DOK6: variants seen among roughly 807,000 people sequenced by gnomAD.
DOK6 encodes docking protein 6.
A neutral mutation model predicts 44.0 loss-of-function variants in DOK6; 22 were observed. The ratio of observed to expected loss-of-function variants is 0.50; its 90% CI spans 0.36 to 0.71. DOK6 has a LOEUF of 0.71. Among genes scored for constraint, DOK6 ranks in the 30% least tolerant of loss-of-function variants. The probability of loss-of-function intolerance (pLI) is 0.00; values close to 1 mark genes in which losing one functional copy is unlikely to be tolerated. For synonymous variants in DOK6, 166 were observed against 145.5 expected (o/e 1.14, Z -1.01); for missense variants, 340 against 416.4 (o/e 0.82, Z 1.60).
intron 3 of DOK6, among the ~76,000 whole-genome samples, chr18:69,644,376 A>G (rs1985018472): frequency 6.6e-6 from 1 of 152,150 alleles, no homozygotes; most frequent in Non-Finnish European, 1.5e-5. Context: ...ACTTTTAAAT[A>G]CATTTTACAG....
chr18:69,538,381 C>T (rs1211073811), intron 1 of DOK6, among the ~76,000 whole-genome samples: 1 of 151,856 alleles, frequency 6.6e-6, no homozygotes, highest in African/African-American at 2.4e-5. Context: ...TGATCCATTT[C>T]TCCTTTTTTT....
At chr18:69,707,471 C>T (rs12327449) in intron 5 of DOK6, among the ~76,000 whole-genome samples, 148,020 of 152,340 alleles carry the variant, frequency 0.97, 72,071 homozygotes, top group East Asian at 1. Context: ...TAGTTTCCTT[C>T]ATCCCTGGCC....
At chr18:69,610,384 T>C (rs754920393) in intron 3 of DOK6, among the ~76,000 whole-genome samples, 38 of 152,308 alleles carry the variant, frequency 2.5e-4, no homozygotes, top group Middle Eastern at 3.4e-3. Context: ...TATACACTAA[T>C]ACATGAGGAT....
chr18:69,516,846 T>TC (rs1465343564), intron 1 of DOK6, among the ~76,000 whole-genome samples: 2 of 150,792 alleles, frequency 1.3e-5, no homozygotes, highest in Admixed American at 1.3e-4. Flanking sequence ...CGGCTAATTT[T>TC]TTTTTTTTTT....
At chr18:69,759,766 TGCA>T (rs1270655630) in intron 7 of DOK6, among the ~76,000 whole-genome samples, 8 of 152,216 alleles carry the variant, frequency 5.3e-5, no homozygotes, top group Non-Finnish European at 1.2e-4. Flanking sequence ...GATGTTAACT[TGCA>T]GCAAAGTTAA....
chr18:69,734,275 C>G (rs919151214), intron 5 of DOK6, among the ~76,000 whole-genome samples: 1 of 149,346 alleles, frequency 6.7e-6, no homozygotes, highest in Non-Finnish European at 1.5e-5. Context: ...TCTTGACTTT[C>G]TGTACTGTTG....
intron 7 of DOK6, among the ~76,000 whole-genome samples, chr18:69,774,473 C>T (rs536477688): frequency 6.6e-6 from 1 of 151,764 alleles, no homozygotes; most frequent in Non-Finnish European, 1.5e-5. Flanking sequence ...ACTCATGTAA[C>T]CAAACACTCA....
At chr18:69,779,081 A>G (rs1005318308) in intron 7 of DOK6, among the ~76,000 whole-genome samples, 2 of 152,090 alleles carry the variant, frequency 1.3e-5, no homozygotes, top group Non-Finnish European at 1.5e-5. Context: ...CCATCAAGAT[A>G]ATTTCTAGAT....
intron 3 of DOK6, among the ~76,000 whole-genome samples, chr18:69,605,990 G>A (rs1430687832): frequency 6.6e-6 from 1 of 152,032 alleles, no homozygotes; most frequent in East Asian, 1.9e-4. Context: ...AAAAAATCCC[G>A]GCCAGGTGCG....
chr18:69,708,021 A>AT (rs1986674245), intron 5 of DOK6, among the ~76,000 whole-genome samples: 1 of 152,164 alleles, frequency 6.6e-6, no homozygotes, highest in Non-Finnish European at 1.5e-5. Context: ...TTCTTAGCGG[A>AT]TTTTAGCTGC....
intron 3 of DOK6, among the ~76,000 whole-genome samples, chr18:69,622,153 C>T (rs1260270443): frequency 6.6e-6 from 1 of 152,100 alleles, no homozygotes; most frequent in East Asian, 1.9e-4. Context: ...TTTAATTTTC[C>T]AAAGAAATCC....
intron 1 of DOK6, among the ~76,000 whole-genome samples, chr18:69,541,668 C>T (rs1982272539): frequency 6.6e-6 from 1 of 151,456 alleles, no homozygotes; most frequent in Non-Finnish European, 1.5e-5. Context: ...TTACCTTCCA[C>T]AACCATGCAC....
At chr18:69,577,394 T>TTTAG in intron 2 of DOK6, among the ~76,000 whole-genome samples, 1 of 152,278 alleles carries the variant, frequency 6.6e-6, no homozygotes, top group East Asian at 1.9e-4. Context: ...TCATGATTTG[T>TTTAG]TTAGATTAAG....
intron 3 of DOK6, among the ~76,000 whole-genome samples, chr18:69,643,240 C>T (rs1237020775): frequency 1.3e-5 from 2 of 152,174 alleles, no homozygotes. Flanking sequence ...AGGGTATTGA[C>T]ATTGATGCAA....
rs117125236 is a variant in DOK6, at chr18:69,496,410, G to A, written c.67-68077G>A. On this transcript the variant is annotated intron_variant, in intron 1 of 7. Transcript: ENST00000382713. ...TACCACCAGGTCTATGGAGGGTGCA[G>A]CCCCAGCGGGGCTTCCCGGCTGCAG... Among the ~76,000 whole-genome samples the A allele has an allele frequency of 1.3e-3, 197 of 152,362 alleles. 2 individuals carry two copies. The East Asian group carries it at 0.028, about 22-fold the overall frequency.
intron 1 of DOK6, among the ~76,000 whole-genome samples, chr18:69,439,713 C>G (rs1016794845): frequency 3.3e-5 from 5 of 152,180 alleles, no homozygotes; most frequent in African/African-American, 1.2e-4. Flanking sequence ...GAGTGAGGGC[C>G]TTGTTCTGGA....
At chr18:69,538,485 C>T (rs753238831) in intron 1 of DOK6, among the ~76,000 whole-genome samples, 2 of 152,004 alleles carry the variant, frequency 1.3e-5, no homozygotes, top group South Asian at 2.1e-4. Context: ...TGGGCTCAAG[C>T]GATCCTCTAC....
chr18:69,424,759 T>C (rs12955071), intron 1 of DOK6, among the ~76,000 whole-genome samples: 48,976 of 151,980 alleles, frequency 0.32, 8,008 homozygotes, highest in Middle Eastern at 0.4. Flanking sequence ...AATTAATCCT[T>C]ATTTCAGGGT....
chr18:69,727,175 G>A (rs1254583234), intron 5 of DOK6, among the ~76,000 whole-genome samples: 2 of 152,056 alleles, frequency 1.3e-5, no homozygotes, highest in Non-Finnish European at 2.9e-5. Flanking sequence ...TCTTTTATAA[G>A]GGCACTAATC....
Sources: gnomAD v4.1 joint callset for allele counts (sites outside exome capture counted in the v4.1 genomes callset) on GRCh38, gnomAD v4.1.1 for gene constraint, MANE v1.5 for transcripts, NCBI Gene and HGNC (gene_info 2026-07-23, HGNC 2026-07-21) for gene names.